Variants in MEPE observed in about 807,000 individuals in gnomAD.
MEPE encodes the protein matrix extracellular phosphoglycoprotein, also known as matrix, extracellular phosphoglycoprotein with ASARM motif (bone).
A neutral mutation model predicts 7.3 loss-of-function variants in MEPE; 7 were observed. That is an observed-to-expected ratio of 0.95 (90% CI 0.54 to 1.79). The LOEUF is 1.79. Ranked by LOEUF, MEPE falls within the 40% of genes most tolerant of loss-of-function variation. The pLI is 0.00. For synonymous variants in MEPE, 214 were observed against 213.1 expected, an observed-to-expected ratio of 1.00 and a Z score of -0.04; for missense variants, 623 against 628.2, an observed-to-expected ratio of 0.99 and a Z score of 0.09.
chr4:87,831,381 C>G (rs191327958), upstream of MEPE, among the ~76,000 whole-genome samples: 82 of 152,284 alleles, frequency 5.4e-4, no homozygotes, highest in African/African-American at 1.9e-3. Flanking sequence ...ATCAACTTTA[C>G]TCTTCCAGTT....
chr4:87,834,646 T>A (rs1192803133), intron 1 of MEPE, 57 bp from the exon 2 acceptor site: 8 of 1,346,108 alleles, frequency 5.9e-6, no homozygotes, highest in Middle Eastern at 1.8e-4. Context: ...TCTCTTCTTA[T>A]GGCTGCAGTT....
At position 87,846,027 on chromosome 4, in the gene MEPE, A is replaced by C; in HGVS notation, c.1159A>C (p.Ser387Arg). The C allele has an allele frequency of 6.2e-7, 1 of 1,614,076 alleles. No individual in the cohort carries two copies. The highest frequency in any genetic ancestry group is 8.5e-7 in the Non-Finnish European group (1 of 1,179,968). ...APSKEKRKEG[S>R]SDAAESTNYN... ...CTCAAAAGAGAAAAGAAAAGAAGGC[A>C]GTAGTGATGCAGCTGAAAGTACCAA... Residue 387 changes from serine to arginine, a missense_variant, in exon 4 of 4, where the codon AGT becomes CGT. Transcript: ENST00000361056.
chr4:87,840,003 C>T, intron 3 of MEPE: 1 of 1,535,528 alleles, frequency 6.5e-7, no homozygotes, highest in Middle Eastern at 1.7e-4. Context: ...CGGCCCACAT[C>T]TCGCTCTGCT....
At chr4:87,842,066 C>A (rs756163210) in intron 3 of MEPE, among the ~76,000 whole-genome samples, 9 of 152,138 alleles carry the variant, frequency 5.9e-5, no homozygotes, top group Non-Finnish European at 1.3e-4. Flanking sequence ...AAAGCTAAGG[C>A]TCAGAGAAGT....
intron 2 of MEPE, among the ~76,000 whole-genome samples, chr4:87,835,753 C>G (rs568179101): frequency 1.3e-5 from 2 of 152,262 alleles, no homozygotes; most frequent in South Asian, 4.2e-4. Flanking sequence ...CTCACTCAAT[C>G]AAGGCCTAGA....
chr4:87,835,864 AG>A (rs1198608327), intron 2 of MEPE, among the ~76,000 whole-genome samples: 1 of 152,160 alleles, frequency 6.6e-6, no homozygotes, highest in Non-Finnish European at 1.5e-5. Flanking sequence ...ACATGTTCCA[AG>A]AAGCAGCTGG....
At chr4:87,821,666 T>C (rs1379327188) in intron 1 of MEPE, among the ~76,000 whole-genome samples, 1 of 152,224 alleles carries the variant, frequency 6.6e-6, no homozygotes, top group African/African-American at 2.4e-5. Flanking sequence ...AAGAAAATCC[T>C]GAATGATACT....
chr4:87,827,568 T>C (rs1158360821), intron 1 of MEPE, among the ~76,000 whole-genome samples: 3 of 152,124 alleles, frequency 2.0e-5, no homozygotes, highest in African/African-American at 4.8e-5. Flanking sequence ...AAAAAGACTA[T>C]TATGAGGGTA....
rs770161955 is a variant in MEPE, at chr4:87,845,279, T to A, written c.411T>A (p.His137Gln). The change falls in exon 4 of 4, where the codon CAT (histidine) becomes CAA (glutamine). Residue 137 changes from histidine to glutamine, a missense_variant. By Grantham distance (24) the His-to-Gln change is conservative. Coordinates refer to ENST00000361056, the MANE Select transcript of MEPE (RefSeq NM_020203.6). Reference protein sequence around the residue: ...EDGDDAISKLHDQEEYGAALI... With the variant: ...EDGDDAISKLQDQEEYGAALI... Reference sequence around the variant, plus strand: ...GAGATGATGCTATCAGCAAACTACATGACCAAGAAGAATATGGCGCAGCTC... The same window carrying A: ...GAGATGATGCTATCAGCAAACTACAAGACCAAGAAGAATATGGCGCAGCTC... 2 of 1,613,868 alleles carry A rather than the reference T, an allele frequency of 1.2e-6. No individual in the cohort carries two copies. The highest frequency in any genetic ancestry group is 1.7e-6 in the Non-Finnish European group (2 of 1,179,958).
upstream of MEPE, among the ~76,000 whole-genome samples, chr4:87,831,745 G>A (rs774786436): frequency 1.3e-5 from 2 of 152,082 alleles, no homozygotes; most frequent in African/African-American, 2.4e-5. Flanking sequence ...GACCTCATTT[G>A]TTGCTATTCC....
upstream of MEPE, among the ~76,000 whole-genome samples, chr4:87,828,670 T>C (rs151325303): frequency 6.3e-4 from 96 of 152,292 alleles, 2 homozygotes; most frequent in East Asian, 0.015. Flanking sequence ...GCATTTTATA[T>C]GATTGTTCAC....
chr4:87,844,512 A>C (rs1439902140), intron 3 of MEPE, among the ~76,000 whole-genome samples: 1 of 152,208 alleles, frequency 6.6e-6, no homozygotes, highest in Non-Finnish European at 1.5e-5. Flanking sequence ...GCAAGAAAGA[A>C]AGGAAAGAAA....
Position 87,845,390 on chromosome 4 carries a change from G to A in MEPE, c.522G>A (p.Arg174=), listed in dbSNP as rs1723184066. Residue 174 remains arginine, a synonymous_variant, in exon 4 of 4, where the codon AGG becomes AGA. Transcript: ENST00000361056. ...LGEENKENTP[R]NVLNIIPASM... is the part of the protein sequence containing the mutation. Reference sequence around the variant, plus strand: ...AAGAAAACAAAGAGAACACACCTAGGAATGTTCTAAACATAATCCCAGCAA... The same window carrying A: ...AAGAAAACAAAGAGAACACACCTAGAAATGTTCTAAACATAATCCCAGCAA... 1.9e-6 allele frequency: 3 copies of A among 1,613,954 alleles called. No individual in the cohort carries two copies. Among genetic ancestry groups the A allele is most frequent in the African/African-American group, 1.3e-5 (1 of 74,976 alleles).
chr4:87,824,929 G>T (rs1722424760), intron 1 of MEPE, among the ~76,000 whole-genome samples: 1 of 152,034 alleles, frequency 6.6e-6, no homozygotes, highest in African/African-American at 2.4e-5. Flanking sequence ...CTCACTGCAG[G>T]CTCGACCTCC....
chr4:87,827,147 G>C (rs2109989388), intron 1 of MEPE, among the ~76,000 whole-genome samples: 1 of 152,284 alleles, frequency 6.6e-6, no homozygotes, highest in Non-Finnish European at 1.5e-5. Flanking sequence ...GATGACTCTT[G>C]CACCCCATCT....
chr4:87,843,883 C>T (rs1275858845), intron 3 of MEPE, among the ~76,000 whole-genome samples: 1 of 152,190 alleles, frequency 6.6e-6, no homozygotes, highest in African/African-American at 2.4e-5. Flanking sequence ...AAGAGGAAGA[C>T]TTGGAATCTT....
chr4:87,829,946 C>A (rs1257531094), upstream of MEPE, among the ~76,000 whole-genome samples: 4 of 148,938 alleles, frequency 2.7e-5, no homozygotes, highest in African/African-American at 9.9e-5. Context: ...GAAACTGAGG[C>A]ACAGAAAAGT....
At position 87,845,533 on chromosome 4, in the gene MEPE, A is replaced by C. The variant is rs778122968; in HGVS notation, c.665A>C (p.Tyr222Ser). Residue 222 changes from tyrosine to serine, a missense_variant, in exon 4 of 4, where the codon TAC becomes TCC. Tyr to Ser is a moderately radical substitution (Grantham distance 144). Transcript: ENST00000361056. ...CATCGTATTCAACACAACATTGACT[A>C]CCTAAAACATCTCTCAAAAGTCAAA... Reference protein sequence around the residue: ...STHRIQHNIDYLKHLSKVKKI... With the variant: ...STHRIQHNIDSLKHLSKVKKI... 1.2e-6 allele frequency: 2 copies of C among 1,612,492 alleles called. No homozygotes were observed. Among genetic ancestry groups the C allele is most frequent in the Non-Finnish European group, 8.5e-7 (1 of 1,179,602 alleles).
chr4:87,845,168 T>C lies in MEPE; in HGVS notation c.300T>C (p.Tyr100=). 8 of 1,613,698 alleles carry C rather than the reference T, an allele frequency of 5.0e-6. No individual in the cohort carries two copies. Among genetic ancestry groups the C allele is most frequent in the Non-Finnish European group, 6.8e-6 (8 of 1,179,804 alleles). The change falls in exon 4 of 4, where the codon TAT becomes TAC. Residue 100 remains tyrosine, a synonymous_variant. Transcript: ENST00000361056. ...ATAGACAGAGACTGAATAAAGAATA[T>C]AGTATCAGTAACAAAGAGAATACTC... The part of the protein sequence containing the change: ...FTNRQRLNKE[Y]SISNKENTHN...
Sources: allele counts gnomAD v4.1 joint callset (sites outside exome capture counted in the v4.1 genomes callset), GRCh38; gene constraint gnomAD v4.1.1; transcripts MANE v1.5; gene names NCBI Gene and HGNC (gene_info 2026-07-23, HGNC 2026-07-21).